The following CRYL1 variants were observed in gnomAD, a reference collection of about 807,000 sequenced individuals.
CRYL1 encodes the protein crystallin lambda 1.
A neutral mutation model predicts 36.6 loss-of-function variants in CRYL1; 29 were observed. The observed-to-expected ratio is 0.79, with a 90% confidence interval of 0.59 to 1.08. The LOEUF (loss-of-function observed/expected upper bound fraction) is 1.08, where lower values mean the gene tolerates loss of function less well. CRYL1 is among the 50% of genes least tolerant of loss of function. CRYL1 has a pLI of 0.00. For synonymous variants in CRYL1, 152 were observed against 151.5 expected (o/e 1.00, Z -0.02); for missense variants, 411 against 407.9 (o/e 1.01, Z -0.06).
chr13:20,445,832 A>G (rs1245007218), intron 3 of CRYL1, among the ~76,000 whole-genome samples: 1 of 152,262 alleles, frequency 6.6e-6, no homozygotes, highest in Non-Finnish European at 1.5e-5. Flanking sequence ...CTGGCTTATC[A>G]TAAGAGAATC....
intron 3 of CRYL1, among the ~76,000 whole-genome samples, chr13:20,456,349 T>TG (rs1320841399): frequency 6.6e-6 from 1 of 151,720 alleles, no homozygotes; most frequent in Non-Finnish European, 1.5e-5. Flanking sequence ...GGCACAAGCC[T>TG]GTAATCCCAG....
intron 1 of CRYL1, among the ~76,000 whole-genome samples, chr13:20,516,771 C>G (rs577250388): frequency 2.4e-4 from 37 of 152,314 alleles, no homozygotes; most frequent in Non-Finnish European, 5.3e-4. Flanking sequence ...TCAGCCACCA[C>G]GCCCGGCCAA....
Position 20,481,941 on chromosome 13 carries a change from G to A in CRYL1, c.276+7429C>T, listed in dbSNP as rs2137461545. Among the ~76,000 whole-genome samples, 1 of 152,150 alleles carries A rather than the reference G, an allele frequency of 6.6e-6. No homozygotes were observed. The highest frequency in any genetic ancestry group is 1.5e-5 in the Non-Finnish European group (1 of 67,984). ...GGAAAAAGAAAAAACACATACAACA[G>A]AAAAAGTGTAACTCCAGTTTCCTCG... On this transcript the variant is annotated intron_variant, in intron 3 of 7. Transcript: ENST00000298248. This position sits in a 1 kb window ranked among gnomAD's most constrained non-coding sequence, Gnocchi z 4.1.
chr13:20,471,604 CAA>C (rs1314299629), intron 3 of CRYL1, among the ~76,000 whole-genome samples: 1 of 131,318 alleles, frequency 7.6e-6, no homozygotes. Flanking sequence ...GACTCTGTCT[CAA>C]AAAAAAAAAG....
At chr13:20,512,352 G>T in intron 2 of CRYL1, 91 bp downstream of exon 2, 1 of 892,056 alleles carries the variant, frequency 1.1e-6, no homozygotes, top group Non-Finnish European at 1.8e-6. Flanking sequence ...TGACATCACA[G>T]ATCCTCATAG....
intron 6 of CRYL1, among the ~76,000 whole-genome samples, chr13:20,405,270 CAA>C (rs1191835975): frequency 1.2e-4 from 15 of 129,038 alleles, no homozygotes; most frequent in Non-Finnish European, 1.0e-4. Context: ...GACTCCGTCT[CAA>C]AAAAAAAAAA....
chr13:20,492,636 T>C (rs1315519610), intron 2 of CRYL1, among the ~76,000 whole-genome samples: 2 of 152,148 alleles, frequency 1.3e-5, no homozygotes, highest in Non-Finnish European at 2.9e-5. Flanking sequence ...TAAGGACCCA[T>C]GTGATTACAC....
At chr13:20,410,978 C>G (rs897924251) in intron 6 of CRYL1, among the ~76,000 whole-genome samples, 2 of 152,196 alleles carry the variant, frequency 1.3e-5, no homozygotes, top group Non-Finnish European at 2.9e-5. Context: ...GGCAATGGCA[C>G]GCTGGCCTCC....
chr13:20,502,667 T>A (rs1164333208), intron 2 of CRYL1, among the ~76,000 whole-genome samples: 1 of 149,304 alleles, frequency 6.7e-6, no homozygotes, highest in Admixed American at 6.7e-5. Flanking sequence ...AAAAAAAAGG[T>A]CTCCTCCCCT....
At chr13:20,518,980 CG>C (rs2034048994) in intron 1 of CRYL1, among the ~76,000 whole-genome samples, 1 of 152,128 alleles carries the variant, frequency 6.6e-6, no homozygotes, top group Admixed American at 6.5e-5. Context: ...CAGTTCAAAA[CG>C]GGATGTTTTC....
intron 3 of CRYL1, among the ~76,000 whole-genome samples, chr13:20,479,675 G>C (rs905079177): frequency 1.1e-4 from 16 of 152,150 alleles, no homozygotes; most frequent in African/African-American, 3.6e-4. Flanking sequence ...AAAGGCTGGA[G>C]GTAAATATAT....
intron 3 of CRYL1, among the ~76,000 whole-genome samples, chr13:20,479,578 G>A (rs2033235019): frequency 1.3e-5 from 2 of 152,122 alleles, no homozygotes; most frequent in Admixed American, 6.6e-5. Flanking sequence ...ACTAGAAAGT[G>A]TTAAATGTTG....
At chr13:20,511,250 G>C (rs751355057) in intron 2 of CRYL1, among the ~76,000 whole-genome samples, 1 of 151,824 alleles carries the variant, frequency 6.6e-6, no homozygotes, top group Non-Finnish European at 1.5e-5. Flanking sequence ...CCAACACATT[G>C]GCTATTTTTT....
chr13:20,416,329 C>T (rs987443231), intron 5 of CRYL1, among the ~76,000 whole-genome samples: 1 of 152,154 alleles, frequency 6.6e-6, no homozygotes, highest in Admixed American at 6.5e-5. Context: ...CGGGGCATCA[C>T]GGGGGCTGGG....
chr13:20,462,335 G>A (rs1199943857), intron 3 of CRYL1, among the ~76,000 whole-genome samples: 2 of 151,652 alleles, frequency 1.3e-5, no homozygotes, highest in Non-Finnish European at 2.9e-5. Flanking sequence ...TACAATAAAA[G>A]CAATAACCAA....
rs182093281 is a variant in CRYL1, at chr13:20,496,362, C to A, written c.150-6866G>T. Among the ~76,000 whole-genome samples, 169 of 152,282 alleles carry A rather than the reference C, an allele frequency of 1.1e-3. 1 individual carries two copies. Among genetic ancestry groups the A allele is most frequent in the African/African-American group, 3.7e-3 (155 of 41,560 alleles). On this transcript the variant is annotated intron_variant, in intron 2 of 7. Transcript: ENST00000298248. ...TACTTAATGCTACTCAACTATTATA[C>A]ACGTTAAAATGGCAAAGATGGCCAA...
intron 3 of CRYL1, among the ~76,000 whole-genome samples, chr13:20,468,144 C>T (rs1039635067): frequency 2.6e-5 from 4 of 152,170 alleles, no homozygotes; most frequent in South Asian, 2.1e-4. Flanking sequence ...TGAGAACTGC[C>T]GCCTTAACAG....
chr13:20,447,392 G>C (rs2032478825), intron 3 of CRYL1, among the ~76,000 whole-genome samples: 1 of 152,124 alleles, frequency 6.6e-6, no homozygotes, highest in Non-Finnish European at 1.5e-5. Flanking sequence ...CCCTGGGGGA[G>C]AGGCAGGAAA....
chr13:20,435,979 C>T lies in CRYL1; in HGVS notation c.438+3614G>A, dbSNP rs989448608. 6.6e-6 allele frequency among the ~76,000 whole-genome samples: 1 copy of T among 152,212 alleles called. No homozygotes were observed. The highest frequency in any genetic ancestry group is 2.4e-5 in the African/African-American group (1 of 41,458). On this transcript the variant is annotated intron_variant, in intron 4 of 7. Coordinates refer to ENST00000298248, the MANE Select transcript of CRYL1 (RefSeq NM_015974.3). The surrounding 1 kb of genome is among the most constrained non-coding windows in gnomAD (Gnocchi z 4.0). ...GGGCTCAAAGGCAGCTCGGAGCGGC[C>T]GCAGGGCCGTGCAGATGTGCAAAGA... is the stretch of plus-strand genomic sequence containing the variant.
Sources: gnomAD v4.1 joint callset for allele counts (sites outside exome capture counted in the v4.1 genomes callset) on GRCh38, gnomAD v4.1.1 for gene constraint, Gnocchi (gnomAD v3.1) non-coding constraint, MANE v1.5 for transcripts, NCBI Gene and HGNC (gene_info 2026-07-23, HGNC 2026-07-21) for gene names.